VDR: variants seen among roughly 807,000 people sequenced by gnomAD.
The protein encoded by VDR is vitamin D3 receptor.
VDR carries 19 observed loss-of-function variants against 39.7 expected under a neutral mutation model. That is an observed-to-expected ratio of 0.48 (90% confidence interval 0.33 to 0.70). The LOEUF is 0.70. Among genes scored for constraint, VDR ranks in the 30% least tolerant of loss-of-function variants. The probability of loss-of-function intolerance (pLI) is 0.02; values close to 1 mark genes in which losing one functional copy is unlikely to be tolerated. For missense variants in VDR, 442 were observed against 570.5 expected (o/e 0.77, Z 2.29); for synonymous variants, 242 against 215.8 (o/e 1.12, Z -1.07).
At chr12:47,904,521 G>A in intron 1 of VDR, 2 of 1,324,932 alleles carry the variant, frequency 1.5e-6, no homozygotes, top group Non-Finnish European at 1.0e-6. Context: ...CATCACAGGT[G>A]ACCATACCTG....
intron 3 of VDR, among the ~76,000 whole-genome samples, chr12:47,866,007 G>A (rs1039479458): frequency 2.6e-5 from 4 of 151,762 alleles, no homozygotes; most frequent in East Asian, 1.9e-4. Context: ...GAGCCATCGC[G>A]CACAGCCACG....
At chr12:47,873,351 CTTTTTTTTTTTTTTTTT>C (rs71077177) in intron 3 of VDR, among the ~76,000 whole-genome samples, 1 of 98,424 alleles carries the variant, frequency 1.0e-5, no homozygotes, top group Non-Finnish European at 2.0e-5. Flanking sequence ...AACCTGTTTT[CTTTTTTTTTTTTTTTTT>C]TTTTTTTTTT....
intron 4 of VDR, among the ~76,000 whole-genome samples, chr12:47,859,795 G>GC (rs1448695672): frequency 1.3e-5 from 2 of 151,892 alleles, no homozygotes; most frequent in Non-Finnish European, 2.9e-5. Context: ...TTACTTAAGG[G>GC]CAGGGTCCAT....
chr12:47,889,269 G>T (rs1056498485), intron 1 of VDR, among the ~76,000 whole-genome samples: 21 of 152,060 alleles, frequency 1.4e-4, no homozygotes, highest in African/African-American at 4.6e-4. Context: ...ACCCCCAATC[G>T]CCTGCCTGAG....
chr12:47,879,609 C>G (rs947833494), intron 2 of VDR, among the ~76,000 whole-genome samples: 2 of 152,100 alleles, frequency 1.3e-5, no homozygotes, highest in African/African-American at 4.8e-5. Context: ...GGAGAGAAAC[C>G]CTCAGGTCTC....
Position 47,844,845 on chromosome 12 carries a change from C to T in VDR, c.1185G>A (p.Glu395=), listed in dbSNP as rs770478114. 39 of 1,614,208 alleles carry T rather than the reference C, an allele frequency of 2.4e-5. No individual in the cohort carries two copies. In the Middle Eastern group the frequency reaches 4.9e-4, roughly 20 times the overall value. The change falls in exon 10 of 10, where the codon GAG becomes GAA. Residue 395 remains glutamate, a synonymous_variant. Transcript: ENST00000549336. Reference sequence around the variant, plus strand: ...GGCAGCGGTACTGCTTGGAGTGCTCCTCATTGAGGCTGCGCAGGTCGGCTA... The same window carrying T: ...GGCAGCGGTACTGCTTGGAGTGCTCTTCATTGAGGCTGCGCAGGTCGGCTA... The part of the protein sequence containing the change: ...QKLADLRSLN[E]EHSKQYRCLS...
In VDR at chr12:47,857,705, G is replaced by C. The variant is rs1945521063; in HGVS notation, c.278-17C>G. The C allele has an allele frequency of 6.2e-7, 1 of 1,610,156 alleles. No individual in the cohort carries two copies. Among genetic ancestry groups the C allele is most frequent in the Non-Finnish European group, 8.5e-7 (1 of 1,177,098 alleles). On this transcript the variant is annotated splice_polypyrimidine_tract_variant and intron_variant, in intron 4 of 9. Coordinates refer to ENST00000549336, the MANE Select transcript of VDR (RefSeq NM_000376.3). ...TCAGAATGACTGTGGGGTGGGAAGGGGAGTCAGGAGGGCTGGCCAGCAGCT... is the reference window on the plus strand; with the variant it reads ...TCAGAATGACTGTGGGGTGGGAAGGCGAGTCAGGAGGGCTGGCCAGCAGCT...
At chr12:47,884,978 C>A (rs1234809358) in intron 1 of VDR, among the ~76,000 whole-genome samples, 1 of 152,120 alleles carries the variant, frequency 6.6e-6, no homozygotes, top group Admixed American at 6.5e-5. Context: ...AGTCCAAGTG[C>A]AAGCCTATAG....
intron 1 of VDR, among the ~76,000 whole-genome samples, chr12:47,886,571 C>T (rs12321826): frequency 0.077 from 11,774 of 152,204 alleles, 521 homozygotes; most frequent in African/African-American, 0.12. Context: ...CTTCCTGCCC[C>T]GACTGTCTCC....
At chr12:47,853,446 TAA>T (rs60854792) in intron 7 of VDR, among the ~76,000 whole-genome samples, 96 of 112,478 alleles carry the variant, frequency 8.5e-4, no homozygotes, top group Admixed American at 1.4e-3. Flanking sequence ...CTGCCTCAAT[TAA>T]AAAAAAAAAA....
intron 1 of VDR, among the ~76,000 whole-genome samples, chr12:47,890,559 A>G (rs1946351546): frequency 1.3e-5 from 2 of 152,058 alleles, no homozygotes; most frequent in African/African-American, 2.4e-5. Flanking sequence ...AGAAGAGCAG[A>G]GGACTGGCTC....
At chr12:47,866,106 G>GA (rs888777069) in intron 3 of VDR, among the ~76,000 whole-genome samples, 116 of 143,780 alleles carry the variant, frequency 8.1e-4, no homozygotes, top group African/African-American at 2.7e-3. Flanking sequence ...CATTTCCCTA[G>GA]AAAAAACCCT....
intron 1 of VDR, among the ~76,000 whole-genome samples, chr12:47,888,686 C>T (rs2137227642): frequency 6.6e-6 from 1 of 152,266 alleles, no homozygotes; most frequent in Admixed American, 6.5e-5. Flanking sequence ...AGTTCAATCT[C>T]TCTGGTTTTA....
At chr12:47,876,210 G>T (rs1046790734) in intron 3 of VDR, among the ~76,000 whole-genome samples, 1 of 135,320 alleles carries the variant, frequency 7.4e-6, no homozygotes, top group East Asian at 2.2e-4. Context: ...CATGAATAAT[G>T]AAGGTTGACT....
At chr12:47,860,720 TTCTTGCTTCC>T (rs978070678) in intron 4 of VDR, among the ~76,000 whole-genome samples, 1 of 152,166 alleles carries the variant, frequency 6.6e-6, no homozygotes, top group African/African-American at 2.4e-5. Context: ...TGGGCTGCTT[TTCTTGCTTCC>T]AGTGTCCACC....
chr12:47,890,182 A>T (rs1946341451), intron 1 of VDR, among the ~76,000 whole-genome samples: 1 of 151,634 alleles, frequency 6.6e-6, no homozygotes, highest in Non-Finnish European at 1.5e-5. Context: ...GGATTCTAAA[A>T]CACACAGCAG....
rs141863776 is a variant in VDR at position 47,855,686 on chromosome 12, C to T, written c.699G>A (p.Leu233=). The change falls in exon 7 of 10, where the codon CTG becomes CTA. Residue 233 remains leucine, a synonymous_variant. Coordinates refer to ENST00000549336, the MANE Select transcript of VDR (RefSeq NM_000376.3). The stretch of plus-strand genomic sequence containing the variant: ...TGACCTTTTGGATGCTGTAACTGAC[C>T]AGGTCAGCCAGGTGGGGCAGCATGG... ...QLSMLPHLAD[L]VSYSIQKVIG... is the part of the protein sequence containing the mutation. The T allele has an allele frequency of 6.9e-5, 111 of 1,614,144 alleles. No individual in the cohort carries two copies. The highest frequency in any genetic ancestry group is 3.3e-4 in the Middle Eastern group (2 of 6,062).
chr12:47,874,506 C>T (rs2063501124), intron 3 of VDR, among the ~76,000 whole-genome samples: 2 of 152,202 alleles, frequency 1.3e-5, no homozygotes, highest in Non-Finnish European at 2.9e-5. Flanking sequence ...GCCAGCCTAC[C>T]TTTTGCCCCC....
chr12:47,902,750 C>G (rs11574022), intron 1 of VDR, among the ~76,000 whole-genome samples: 1,951 of 152,326 alleles, frequency 0.013, 146 homozygotes, highest in Admixed American at 0.12. Flanking sequence ...CCAGCCAGGA[C>G]AGCGGTGCCT....
Sources: allele counts gnomAD v4.1 joint callset (sites outside exome capture counted in the v4.1 genomes callset), GRCh38; gene constraint gnomAD v4.1.1; transcripts MANE v1.5; gene names NCBI Gene and HGNC (gene_info 2026-07-23, HGNC 2026-07-21).